Variants in GABRG3 observed in about 807,000 individuals in gnomAD.
The protein encoded by GABRG3 is gamma-aminobutyric acid type A receptor subunit gamma3, also known as gamma-aminobutyric acid receptor subunit gamma-3.
Under a neutral mutation model 48.8 loss-of-function variants are expected in GABRG3, and 25 were observed. The observed-to-expected ratio is 0.51, with a 90% CI of 0.37 to 0.72. The LOEUF is 0.72. Among genes scored for constraint, GABRG3 ranks in the 30% least tolerant of loss-of-function variants. The pLI, the probability that GABRG3 is intolerant of heterozygous loss-of-function variation, is 0.00. For missense variants in GABRG3, 394 were observed against 577.9 expected, an observed-to-expected ratio of 0.68 and a Z score of 3.26; for synonymous variants, 227 against 217.6, an observed-to-expected ratio of 1.04 and a Z score of -0.38.
At chr15:27,441,694 G>C (rs973203550) in intron 5 of GABRG3, among the ~76,000 whole-genome samples, 1 of 152,172 alleles carries the variant, frequency 6.6e-6, no homozygotes, top group Admixed American at 6.5e-5. Context: ...AGGCAGGACA[G>C]GCCAGCCAGG....
intron 2 of GABRG3, among the ~76,000 whole-genome samples, chr15:27,009,125 C>T (rs1895641181): frequency 6.6e-6 from 1 of 152,160 alleles, no homozygotes; most frequent in African/African-American, 2.4e-5. Flanking sequence ...TCTTCAGCTG[C>T]CCTGAGCATC....
chr15:27,173,477 C>T (rs1290396373), intron 3 of GABRG3, among the ~76,000 whole-genome samples: 2 of 152,040 alleles, frequency 1.3e-5, no homozygotes, highest in Admixed American at 6.5e-5. Context: ...TTCCTCGCTC[C>T]AAAATATTTT....
rs557322962 is a variant in GABRG3 at position 27,535,379 on chromosome 15, G to A, written c.*2498G>A. 1 of 152,256 alleles carries A rather than the reference G, an allele frequency of 6.6e-6. No individual in the cohort carries two copies. Among genetic ancestry groups the A allele is most frequent in the East Asian group, 1.9e-4 (1 of 5,180 alleles). 9.4% of individuals were successfully genotyped at this position (152,256 alleles called of 1,614,324 possible). On this transcript the variant is annotated 3_prime_UTR_variant, in exon 10 of 10. Transcript: ENST00000615808. ...TGTGTTTCAAAACCACTCAACATTT[G>A]GATATTGTTAGCAACCCTCCTGAAA...
intron 5 of GABRG3, among the ~76,000 whole-genome samples, chr15:27,400,454 A>G (rs1055912761): frequency 3.9e-5 from 6 of 152,210 alleles, no homozygotes; most frequent in Admixed American, 2.6e-4. Flanking sequence ...TTTCCTTACC[A>G]TTGAATAAGA....
chr15:27,232,740 A>G (rs1889838194), intron 3 of GABRG3, among the ~76,000 whole-genome samples: 2 of 152,238 alleles, frequency 1.3e-5, no homozygotes, highest in African/African-American at 4.8e-5. Context: ...TGGAGCCAAA[A>G]TACATTATGA....
At chr15:27,501,194 G>A (rs1263653377) in intron 6 of GABRG3, among the ~76,000 whole-genome samples, 2 of 152,162 alleles carry the variant, frequency 1.3e-5, no homozygotes, top group Admixed American at 6.5e-5. Context: ...CTCGTGATCT[G>A]CCCACCTTGG....
chr15:27,263,110 G>A (rs893192346), intron 3 of GABRG3, among the ~76,000 whole-genome samples: 6 of 152,146 alleles, frequency 3.9e-5, no homozygotes, highest in Non-Finnish European at 2.9e-5. Flanking sequence ...AATGCAGAAC[G>A]CTAGTGCCGC....
chr15:27,468,096 A>T (rs575921900), intron 5 of GABRG3, among the ~76,000 whole-genome samples: 1 of 152,204 alleles, frequency 6.6e-6, no homozygotes. Flanking sequence ...GGTCAGGGGA[A>T]GTCCCCATAC....
chr15:27,305,102 A>C (rs1020637869), intron 3 of GABRG3, among the ~76,000 whole-genome samples: 1 of 151,886 alleles, frequency 6.6e-6, no homozygotes, highest in South Asian at 2.1e-4. Context: ...ATTTTGAGTT[A>C]ACTTTCCATA....
At chr15:27,338,027 G>A (rs1053447600) in intron 5 of GABRG3, among the ~76,000 whole-genome samples, 6 of 152,158 alleles carry the variant, frequency 3.9e-5, no homozygotes, top group Admixed American at 3.9e-4. Flanking sequence ...TAAATATGGA[G>A]CGAGGGGAGT....
intron 2 of GABRG3, among the ~76,000 whole-genome samples, chr15:27,001,564 G>A (rs980539754): frequency 6.6e-6 from 1 of 152,240 alleles, no homozygotes; most frequent in African/African-American, 2.4e-5. Flanking sequence ...CTTAGATTGG[G>A]AGTAGCAGGA....
intron 5 of GABRG3, among the ~76,000 whole-genome samples, chr15:27,398,666 GCACACA>G (rs111910385): frequency 3.4e-5 from 5 of 147,306 alleles, no homozygotes; most frequent in African/African-American, 1.2e-4. Flanking sequence ...ACAAGCGCGC[GCACACA>G]CACACACACA....
chr15:27,342,771 G>GC (rs1424383204), intron 5 of GABRG3, among the ~76,000 whole-genome samples: 2 of 152,280 alleles, frequency 1.3e-5, no homozygotes, highest in African/African-American at 4.8e-5. Context: ...AGGCGGGGAG[G>GC]CTGCCTCCTG....
At chr15:27,493,279 C>A (rs1890400064) in intron 6 of GABRG3, among the ~76,000 whole-genome samples, 3 of 151,872 alleles carry the variant, frequency 2.0e-5, no homozygotes. Context: ...TTAAAAAAAT[C>A]TCAAAAGTGG....
At chr15:26,982,146 G>C (rs746898128) in intron 2 of GABRG3, among the ~76,000 whole-genome samples, 166 of 152,326 alleles carry the variant, frequency 1.1e-3, no homozygotes, top group Middle Eastern at 6.8e-3. Context: ...TAATTAGATA[G>C]AAAATCTTTC....
intron 2 of GABRG3, among the ~76,000 whole-genome samples, chr15:26,994,977 AT>A (rs1895314324): frequency 6.6e-6 from 1 of 152,000 alleles, no homozygotes; most frequent in Non-Finnish European, 1.5e-5. Context: ...AAGTCTCATC[AT>A]TTTATAGTTT....
chr15:27,063,385 GC>G (rs1896684400), intron 3 of GABRG3, among the ~76,000 whole-genome samples: 1 of 152,200 alleles, frequency 6.6e-6, no homozygotes. Context: ...CTGAGGTGGG[GC>G]CTGGTGGGAG....
intron 5 of GABRG3, among the ~76,000 whole-genome samples, chr15:27,427,904 A>G (rs376582862): frequency 2.0e-5 from 3 of 152,212 alleles, no homozygotes. Flanking sequence ...TATTTTTGAG[A>G]CATGGACTCG....
At chr15:27,041,046 T>TG in intron 3 of GABRG3, among the ~76,000 whole-genome samples, 1 of 151,092 alleles carries the variant, frequency 6.6e-6, no homozygotes, top group Non-Finnish European at 1.5e-5. Flanking sequence ...TTACTGAAAT[T>TG]TTTTTCTCTC....
Sources: gnomAD v4.1 joint callset for allele counts (sites outside exome capture counted in the v4.1 genomes callset) on GRCh38, gnomAD v4.1.1 for gene constraint, MANE v1.5 for transcripts, NCBI Gene and HGNC (gene_info 2026-07-23, HGNC 2026-07-21) for gene names.